Variants in ADAMTS9 observed in about 807,000 individuals in gnomAD.
ADAMTS9 encodes the protein ADAM metallopeptidase with thrombospondin type 1 motif 9, also known as A disintegrin and metalloproteinase with thrombospondin motifs 9.
ADAMTS9 carries 107 observed loss-of-function variants against 257.1 expected under a neutral mutation model. The observed-to-expected ratio is 0.42, with a 90% CI of 0.36 to 0.49. The LOEUF (loss-of-function observed/expected upper bound fraction) is 0.49, where lower values mean the gene tolerates loss of function less well. ADAMTS9 is among the 20% of genes least tolerant of loss of function. The pLI is 0.03. For missense variants in ADAMTS9, 2,353 were observed against 2,469.1 expected (o/e 0.95, Z 1.00); for synonymous variants, 982 against 880.9 (o/e 1.11, Z -2.03).
intron 19 of ADAMTS9, among the ~76,000 whole-genome samples, chr3:64,618,098 G>A (rs1216952352): frequency 1.3e-5 from 2 of 152,100 alleles, no homozygotes; most frequent in East Asian, 3.9e-4. Flanking sequence ...GCATTTAAAA[G>A]CTGACAAATA....
At chr3:64,574,559 C>CAAAAAAAAA (rs34194727) in intron 28 of ADAMTS9, among the ~76,000 whole-genome samples, 2 of 80,738 alleles carry the variant, frequency 2.5e-5, no homozygotes, top group African/African-American at 4.1e-5. Flanking sequence ...CCCATCTCTA[C>CAAAAAAAAA]AAAAAAAAAA....
At chr3:64,574,926 G>A (rs954157709) in intron 28 of ADAMTS9, among the ~76,000 whole-genome samples, 5 of 152,158 alleles carry the variant, frequency 3.3e-5, no homozygotes, top group African/African-American at 4.8e-5. Context: ...GAGTAGCTAC[G>A]CAATGTTAAT....
Position 64,607,049 on chromosome 3 carries a change from G to A in ADAMTS9, c.3385C>T (p.Leu1129=), listed in dbSNP as rs1204470131. The part of the protein sequence containing the change: ...CSVTCGQGYQ[L]RAVKCIIGTY... Reference sequence around the variant, plus strand: ...CCAATGATGCATTTCACTGCTCTTAGCTGGTATCCCTGTCCACAAGTGACA... The same window carrying A: ...CCAATGATGCATTTCACTGCTCTTAACTGGTATCCCTGTCCACAAGTGACA... The change falls in exon 23 of 40, where the codon CTA becomes TTA. Residue 1129 remains leucine, a synonymous_variant. Transcript: ENST00000498707. 2.5e-6 allele frequency: 4 copies of A among 1,613,806 alleles called. No individual in the cohort carries two copies. The Admixed American group carries it at 5.0e-5, about 20-fold the overall frequency.
chr3:64,675,606 G>A (rs1701606051), intron 3 of ADAMTS9, among the ~76,000 whole-genome samples: 1 of 152,076 alleles, frequency 6.6e-6, no homozygotes, highest in Non-Finnish European at 1.5e-5. Flanking sequence ...GCAACAGAGT[G>A]AGATTCTGTC....
At chr3:64,547,578 TCTCCGCTCAATGAAAC>T (rs2083219151) in intron 31 of ADAMTS9, among the ~76,000 whole-genome samples, 1 of 148,596 alleles carries the variant, frequency 6.7e-6, no homozygotes, top group South Asian at 2.2e-4. Flanking sequence ...AGTGACATGA[TCTCCGCTCAATGAAAC>T]CTCCGTCTCC....
At chr3:64,649,838 A>G in intron 9 of ADAMTS9, 60 bp from the exon 10 acceptor site, 1 of 1,556,530 alleles carries the variant, frequency 6.4e-7, no homozygotes, top group Admixed American at 1.9e-5. Flanking sequence ...GGTCTCCCCC[A>G]GGTAACAGTA....
Position 64,660,440 on chromosome 3 carries a change from T to C in ADAMTS9, c.680-1649A>G, listed in dbSNP as rs536324811. 2.0e-5 allele frequency among the ~76,000 whole-genome samples: 3 copies of C among 152,256 alleles called. No homozygotes were observed. In the East Asian group the frequency reaches 5.8e-4, roughly 29 times the overall value. ...TTTTTCATGGTTTCGGTTCCCTTGG[T>C]TTCAGTTACCTGCAGTCACCTCAGT... On this transcript the variant is annotated intron_variant, in intron 3 of 39. Coordinates refer to ENST00000498707, the MANE Select transcript of ADAMTS9 (RefSeq NM_182920.2).
Position 64,556,714 on chromosome 3 carries a change from TTTCCTTCCTTCC to T in ADAMTS9, c.4698+4852_4698+4863del, listed in dbSNP as rs59682586. The stretch of plus-strand genomic sequence containing the variant: ...ATTAGCAGGCACTGTTCTATGTTTT[TTTCCTTCCTTCC>T]TTCCTTCCTTCCTTCCTTCCTTCCT... On this transcript the variant is annotated intron_variant, in intron 30 of 39. Coordinates refer to ENST00000498707, the MANE Select transcript of ADAMTS9 (RefSeq NM_182920.2). 3.8e-3 allele frequency among the ~76,000 whole-genome samples: 529 copies of T among 138,204 alleles called. 6 individuals carry two copies. The highest frequency in any genetic ancestry group is 0.03 in the East Asian group (145 of 4,786). The allele number at this position is 138,204 out of a possible 152,430, so 90.7% of individuals were successfully genotyped here.
chr3:64,602,604 C>T (rs1472017607), intron 25 of ADAMTS9, among the ~76,000 whole-genome samples: 1 of 152,182 alleles, frequency 6.6e-6, no homozygotes, highest in Non-Finnish European at 1.5e-5. Context: ...CTTACTGATG[C>T]TTCCTGAACA....
At chr3:64,659,622 A>G (rs1269471117) in intron 3 of ADAMTS9, among the ~76,000 whole-genome samples, 1 of 152,162 alleles carries the variant, frequency 6.6e-6, no homozygotes, top group African/African-American at 2.4e-5. Context: ...TTATTACATT[A>G]TTAGATCATT....
At chr3:64,616,785 T>C (rs1000178378) in intron 19 of ADAMTS9, among the ~76,000 whole-genome samples, 20 of 152,186 alleles carry the variant, frequency 1.3e-4, no homozygotes, top group African/African-American at 4.8e-4. Context: ...CCTTAAAATG[T>C]ATTTTGTTGA....
chr3:64,681,336 C>G lies in ADAMTS9; in HGVS notation c.544G>C (p.Asp182His). 1 of 1,612,812 alleles carries G rather than the reference C, an allele frequency of 6.2e-7. No homozygotes were observed. The highest frequency in any genetic ancestry group is 1.1e-5 in the South Asian group (1 of 90,898). ...MLGTFRSHDG[D>H]YFIEPLQSMD... ...GACTGTAGTGGTTCAATAAAATAAT[C>G]CCCATCATGAGACCGGAATGTGCCC... Residue 182 changes from aspartate to histidine, a missense_variant, in exon 3 of 40, where the codon GAT becomes CAT. Coordinates refer to ENST00000498707, the MANE Select transcript of ADAMTS9 (RefSeq NM_182920.2).
intron 11 of ADAMTS9, among the ~76,000 whole-genome samples, chr3:64,644,602 G>A (rs1056786634): frequency 1.3e-5 from 2 of 152,224 alleles, no homozygotes; most frequent in Non-Finnish European, 2.9e-5. Flanking sequence ...TAGGATTCCT[G>A]AAGAGGCCCT....
Position 64,616,320 on chromosome 3 carries a change from C to T in ADAMTS9, c.2814-150G>A. ...CAAAGCCACAGTCAGTTGCTAAAAT[C>T]TAATTTTAAACCAACATATCCATGT... is the stretch of plus-strand genomic sequence containing the variant. On this transcript the variant is annotated intron_variant, in intron 19 of 39. Transcript: ENST00000498707. The T allele has an allele frequency of 3.7e-6, 3 of 807,660 alleles. 1 individual carries two copies. The highest frequency in any genetic ancestry group is 5.8e-6 in the Non-Finnish European group (3 of 517,038). The allele number at this position is 807,660 out of a possible 1,614,324, so 50.0% of individuals were successfully genotyped here.
At chr3:64,642,031 G>A (rs886184690) in intron 11 of ADAMTS9, 38 bp from the exon 12 acceptor site, 7 of 1,610,592 alleles carry the variant, frequency 4.3e-6, no homozygotes, top group African/African-American at 2.7e-5. Flanking sequence ...GAGACTTGGC[G>A]CTGTGAGTTG....
At chr3:64,684,236 G>C (rs1701833993) in intron 2 of ADAMTS9, among the ~76,000 whole-genome samples, 1 of 152,176 alleles carries the variant, frequency 6.6e-6, no homozygotes, top group Non-Finnish European at 1.5e-5. Context: ...AGAAAGACTG[G>C]AGAAGAAGCC....
rs201693372 is a variant in ADAMTS9, at chr3:64,624,789, AAATT to A, written c.2390-2207_2390-2204del. On this transcript the variant is annotated intron_variant, in intron 16 of 39. Transcript: ENST00000498707. ...ATTTTGTTGATGGTCAAATACAAAT[AAATT>A]TATTTTCATAATTTTTGATTAATTT... 3.3e-3 allele frequency among the ~76,000 whole-genome samples: 501 copies of A among 152,352 alleles called. 11 individuals carry two copies. The East Asian group carries it at 0.044, about 13-fold the overall frequency.
chr3:64,677,274 G>A (rs1701644179), intron 3 of ADAMTS9, among the ~76,000 whole-genome samples: 1 of 152,036 alleles, frequency 6.6e-6, no homozygotes, highest in Admixed American at 6.6e-5. Flanking sequence ...GAACCCTAAA[G>A]AACTCACAAA....
chr3:64,521,226 G>C (rs1246792296), intron 39 of ADAMTS9, among the ~76,000 whole-genome samples: 1 of 152,082 alleles, frequency 6.6e-6, no homozygotes, highest in Non-Finnish European at 1.5e-5. Context: ...TCACAGAAAT[G>C]CAAGTCAAAA....
Sources: gnomAD v4.1 joint callset for allele counts (sites outside exome capture counted in the v4.1 genomes callset) on GRCh38, gnomAD v4.1.1 for gene constraint, MANE v1.5 for transcripts, NCBI Gene and HGNC (gene_info 2026-07-23, HGNC 2026-07-21) for gene names.